Variants in CBFA2T3 observed in about 807,000 individuals in gnomAD.
CBFA2T3 encodes CBFA2/RUNX1 partner transcriptional co-repressor 3.
CBFA2T3 carries 31 observed loss-of-function variants against 58.6 expected under a neutral mutation model. That is an observed-to-expected ratio of 0.53 (90% confidence interval 0.40 to 0.71). CBFA2T3 has a LOEUF of 0.71. CBFA2T3 is among the 30% of genes least tolerant of loss of function. The pLI, the probability that CBFA2T3 is intolerant of heterozygous loss-of-function variation, is 0.00. For missense variants in CBFA2T3, 1,076 were observed against 963.1 expected, an observed-to-expected ratio of 1.12 and a Z score of -1.55; for synonymous variants, 531 against 421.9, an observed-to-expected ratio of 1.26 and a Z score of -3.17.
chr16:88,964,102 G>T (rs1464846310), intron 1 of CBFA2T3, among the ~76,000 whole-genome samples: 1 of 152,218 alleles, frequency 6.6e-6, no homozygotes, highest in African/African-American at 2.4e-5. Context: ...TGCATACCTG[G>T]GCCGATCGGC....
At chr16:88,945,249 C>A (rs991147368) in intron 1 of CBFA2T3, among the ~76,000 whole-genome samples, 1 of 152,248 alleles carries the variant, frequency 6.6e-6, no homozygotes, top group East Asian at 1.9e-4. Context: ...AGCTCCCTAC[C>A]TAGAACAGTG....
At chr16:88,973,753 G>A (rs537900479) in intron 1 of CBFA2T3, among the ~76,000 whole-genome samples, 2 of 152,308 alleles carry the variant, frequency 1.3e-5, no homozygotes, top group African/African-American at 2.4e-5. Flanking sequence ...GGGCAAGGTC[G>A]GGTAGAGGGA....
rs1968822563 is a variant in CBFA2T3, at chr16:88,876,190, T to C, written c.*786A>G. On this transcript the variant is annotated 3_prime_UTR_variant, in exon 12 of 12. Transcript: ENST00000268679. Reference sequence around the variant, plus strand: ...GGAGCAGAGGTGTGTCCGGTATCCTTGGCTGGCTAGCTAGCAAGGTAGTTC... The same window carrying C: ...GGAGCAGAGGTGTGTCCGGTATCCTCGGCTGGCTAGCTAGCAAGGTAGTTC... The C allele has an allele frequency of 4.3e-6, 1 of 231,878 alleles. No homozygotes were observed. Among genetic ancestry groups the C allele is most frequent in the South Asian group, 1.8e-4 (1 of 5,520 alleles). 14.4% of individuals were successfully genotyped at this position (231,878 alleles called of 1,614,324 possible).
chr16:88,928,580 C>T (rs1402622188), intron 1 of CBFA2T3, among the ~76,000 whole-genome samples: 1 of 152,144 alleles, frequency 6.6e-6, no homozygotes, highest in South Asian at 2.1e-4. Context: ...CTGAAGCAGC[C>T]GGCGACCCCG....
chr16:88,878,523 C>T, intron 11 of CBFA2T3, among the ~76,000 whole-genome samples: 1 of 152,266 alleles, frequency 6.6e-6, no homozygotes, highest in East Asian at 1.9e-4. Flanking sequence ...CGCCTGCCTC[C>T]CAGGTGCACG....
At chr16:88,892,823 G>A (rs1445908919) in intron 3 of CBFA2T3, among the ~76,000 whole-genome samples, 3 of 152,192 alleles carry the variant, frequency 2.0e-5, no homozygotes, top group African/African-American at 4.8e-5. Context: ...CACCCACAAT[G>A]GTGGTGGCCG....
Position 88,913,090 on chromosome 16 carries a change from T to C in CBFA2T3, c.152-11434A>G, listed in dbSNP as rs544908397. Reference sequence around the variant, plus strand: ...AGTGCAGAGGCGGGGTCCACTTCCCTGCCCCCTGGATCTGGGCTGGCCGGG... The same window carrying C: ...AGTGCAGAGGCGGGGTCCACTTCCCCGCCCCCTGGATCTGGGCTGGCCGGG... On this transcript the variant is annotated intron_variant, in intron 1 of 11. Transcript: ENST00000268679. 2.0e-5 allele frequency among the ~76,000 whole-genome samples: 3 copies of C among 152,306 alleles called. No homozygotes were observed. The South Asian group carries it at 6.2e-4, about 32-fold the overall frequency.
At chr16:88,975,994 G>A (rs1351824076) in intron 1 of CBFA2T3, among the ~76,000 whole-genome samples, 1 of 152,244 alleles carries the variant, frequency 6.6e-6, no homozygotes, top group Non-Finnish European at 1.5e-5. Context: ...CCAGCCTGCA[G>A]CTGCAGCCCC....
rs550961225 is a variant in CBFA2T3, at chr16:88,968,519, G to A, written c.151+8138C>T. Among the ~76,000 whole-genome samples, 5 of 152,374 alleles carry A rather than the reference G, an allele frequency of 3.3e-5. No homozygotes were observed. In the South Asian group the frequency reaches 8.3e-4, roughly 25 times the overall value. On this transcript the variant is annotated intron_variant, in intron 1 of 11. Transcript: ENST00000268679. ...GAGAAGCCCCTGGGGGCCGAGAGCA[G>A]ATGAGGGCAGATCTGACTGGCATCT...
intron 1 of CBFA2T3, among the ~76,000 whole-genome samples, chr16:88,911,885 C>T (rs1215243423): frequency 6.6e-6 from 1 of 152,158 alleles, no homozygotes; most frequent in Non-Finnish European, 1.5e-5. Flanking sequence ...GACCCCCCCT[C>T]CTGCCTCGCA....
At chr16:88,948,625 G>A (rs991941612) in intron 1 of CBFA2T3, among the ~76,000 whole-genome samples, 1 of 152,222 alleles carries the variant, frequency 6.6e-6, no homozygotes, top group African/African-American at 2.4e-5. Context: ...GACTCACATC[G>A]GCATCGCTGC....
In CBFA2T3 at chr16:88,968,958, G is replaced by A. The variant is rs75549554; in HGVS notation, c.151+7699C>T. 6.8e-3 allele frequency among the ~76,000 whole-genome samples: 1,028 copies of A among 152,216 alleles called. 11 individuals carry two copies. The highest frequency in any genetic ancestry group is 0.023 in the African/African-American group (949 of 41,540). On this transcript the variant is annotated intron_variant, in intron 1 of 11. Transcript: ENST00000268679. ...CAGCGCTGCAGGCCTCACACAAATC[G>A]GGGGCCAGGAGCCTAAGATCTGCTC... is the stretch of plus-strand genomic sequence containing the variant.
At chr16:88,905,591 C>T (rs1970279793) in intron 1 of CBFA2T3, among the ~76,000 whole-genome samples, 1 of 151,234 alleles carries the variant, frequency 6.6e-6, no homozygotes. Flanking sequence ...TCCCCCAGCC[C>T]CCGCTTAGGG....
At chr16:88,931,207 C>T (rs1045320258) in intron 1 of CBFA2T3, among the ~76,000 whole-genome samples, 1 of 152,040 alleles carries the variant, frequency 6.6e-6, no homozygotes, top group Non-Finnish European at 1.5e-5. Context: ...AGGGGCCCTG[C>T]TCCTGTCAAC....
At position 88,973,075 on chromosome 16, in the gene CBFA2T3, C is replaced by G. The variant is rs540287648; in HGVS notation, c.151+3582G>C. On this transcript the variant is annotated intron_variant, in intron 1 of 11. Transcript: ENST00000268679. ...AGCCCAGCAGACACAGGGCCTGCGG[C>G]TGAAGGAGGAGTCGGGCTGAGACCG... 1.5e-4 allele frequency among the ~76,000 whole-genome samples: 23 copies of G among 152,352 alleles called. 1 individual carries two copies. The South Asian group carries it at 4.6e-3, about 30-fold the overall frequency.
chr16:88,939,953 C>A (rs1210329496), intron 1 of CBFA2T3: 1 of 152,302 alleles, frequency 6.6e-6, no homozygotes, highest in Non-Finnish European at 1.5e-5. Flanking sequence ...GCCCCTTATC[C>A]CCGGCCGACC....
rs114919291 is a variant in CBFA2T3, at chr16:88,922,382, T to C, written c.152-20726A>G. On this transcript the variant is annotated intron_variant, in intron 1 of 11. Coordinates refer to ENST00000268679, the MANE Select transcript of CBFA2T3 (RefSeq NM_005187.6). Reference sequence around the variant, plus strand: ...GAAGACTGCTGCTGCCTTAGCAGGATTGAGGGGGCCGAGGGCTTCGGTGCA... The same window carrying C: ...GAAGACTGCTGCTGCCTTAGCAGGACTGAGGGGGCCGAGGGCTTCGGTGCA... Among the ~76,000 whole-genome samples, 956 of 152,312 alleles carry C rather than the reference T, an allele frequency of 6.3e-3. 14 individuals carry two copies. The highest frequency in any genetic ancestry group is 0.022 in the African/African-American group (909 of 41,562).
intron 1 of CBFA2T3, chr16:88,950,268 C>T (rs1318592054): frequency 1.9e-5 from 8 of 423,832 alleles, no homozygotes; most frequent in South Asian, 6.8e-5. Flanking sequence ...TCTGTTCACC[C>T]GTCCCCTGGA....
In CBFA2T3 at chr16:88,876,829, CA is replaced by C. The variant is rs1458538668; in HGVS notation, c.*146del. On this transcript the variant is annotated 3_prime_UTR_variant, in exon 12 of 12. Transcript: ENST00000268679. ...TTCTTTCGGAGAGGGGCAGTAGCAG[CA>C]GTGACTAATTGGTCGGCTCCCCCAG... 1 of 576,228 alleles carries C rather than the reference CA, an allele frequency of 1.7e-6. No individual in the cohort carries two copies. Among genetic ancestry groups the C allele is most frequent in the Non-Finnish European group, 2.9e-6 (1 of 349,492 alleles). The allele number at this position is 576,228 out of a possible 1,614,324, so 35.7% of individuals were successfully genotyped here.
Sources: gnomAD v4.1 joint callset for allele counts (sites outside exome capture counted in the v4.1 genomes callset) on GRCh38, gnomAD v4.1.1 for gene constraint, MANE v1.5 for transcripts, NCBI Gene and HGNC (gene_info 2026-07-23, HGNC 2026-07-21) for gene names.